Variants in SPHKAP observed in about 807,000 individuals in gnomAD.
SPHKAP encodes SPHK1 interactor, AKAP domain containing.
A neutral mutation model predicts 137.5 loss-of-function variants in SPHKAP; 67 were observed. That is an observed-to-expected ratio of 0.49 (90% CI 0.40 to 0.60). The LOEUF (loss-of-function observed/expected upper bound fraction) is 0.60, where lower values mean the gene tolerates loss of function less well. SPHKAP is among the 20% of genes least tolerant of loss of function. SPHKAP has a pLI of 0.00. For synonymous variants in SPHKAP, 813 were observed against 785.3 expected (o/e 1.04, Z -0.59); for missense variants, 2,097 against 2,069.3 (o/e 1.01, Z -0.26).
intron 1 of SPHKAP, among the ~76,000 whole-genome samples, chr2:228,178,278 A>G (rs1357148257): frequency 2.6e-5 from 4 of 152,216 alleles, no homozygotes; most frequent in Non-Finnish European, 5.9e-5. Flanking sequence ...ATGGATTTTT[A>G]AATACAATTA....
At chr2:228,031,469 G>A (rs1384411076) in intron 3 of SPHKAP, among the ~76,000 whole-genome samples, 2 of 152,198 alleles carry the variant, frequency 1.3e-5, no homozygotes, top group Non-Finnish European at 2.9e-5. Flanking sequence ...AAAGACAGCA[G>A]TAACCTCTGC....
At chr2:228,122,289 AT>A (rs911330175) in intron 2 of SPHKAP, among the ~76,000 whole-genome samples, 114 of 151,612 alleles carry the variant, frequency 7.5e-4, no homozygotes, top group African/African-American at 2.5e-3. Flanking sequence ...CCCCCTTTTG[AT>A]TTTTTTTTAA....
chr2:228,030,958 G>A (rs775329670), intron 3 of SPHKAP, among the ~76,000 whole-genome samples: 35 of 152,198 alleles, frequency 2.3e-4, no homozygotes, highest in Non-Finnish European at 4.3e-4. Context: ...TGTGAGCGAT[G>A]CAGAAGATGG....
intron 3 of SPHKAP, among the ~76,000 whole-genome samples, chr2:228,101,551 G>T (rs879788842): frequency 6.6e-6 from 1 of 152,172 alleles, no homozygotes; most frequent in Non-Finnish European, 1.5e-5. Context: ...ATACTTATCT[G>T]ATGCTCACTG....
intron 1 of SPHKAP, among the ~76,000 whole-genome samples, chr2:228,141,999 T>A (rs1370626698): frequency 2.0e-5 from 3 of 152,206 alleles, no homozygotes; most frequent in African/African-American, 7.2e-5. Context: ...TAGTTATGGT[T>A]CTGTGGAGGC....
chr2:228,027,046 G>GT (rs34079546), intron 4 of SPHKAP, among the ~76,000 whole-genome samples: 2 of 152,154 alleles, frequency 1.3e-5, no homozygotes, highest in Admixed American at 1.3e-4. Context: ...TTACATCAGG[G>GT]CCCTCACTGC....
intron 2 of SPHKAP, among the ~76,000 whole-genome samples, chr2:228,112,612 T>G (rs531847479): frequency 2.8e-4 from 42 of 152,178 alleles, no homozygotes; most frequent in African/African-American, 7.9e-4. Flanking sequence ...CCAAAAGTCA[T>G]CAGTCTGAAA....
chr2:228,016,435 G>C lies in SPHKAP; in HGVS notation c.4419C>G (p.Asp1473Glu), dbSNP rs763685147. 1.2e-6 allele frequency: 2 copies of C among 1,607,850 alleles called. No individual in the cohort carries two copies. The highest frequency in any genetic ancestry group is 1.7e-6 in the Non-Finnish European group (2 of 1,177,686). The change falls in exon 7 of 12, where the codon GAC becomes GAG. Residue 1473 changes from aspartate to glutamate, a missense_variant. Physicochemically the swap from Asp to Glu is conservative, Grantham distance 45. Coordinates refer to ENST00000392056, the MANE Select transcript of SPHKAP (RefSeq NM_001142644.2). ...GGATTTGACAAGCGCTCACGGCTGTGTCTCCACCTCTCACCACATCTGGGA... is the reference window on the plus strand; with the variant it reads ...GGATTTGACAAGCGCTCACGGCTGTCTCTCCACCTCTCACCACATCTGGGA... The part of the protein sequence containing the change: ...KNIPDVVRGG[D>E]TAVSACQIHS...
Position 228,181,407 on chromosome 2 carries a change from C to A in SPHKAP, c.32+160G>T, listed in dbSNP as rs976618191. ...TTGACAGGGTCCCCTGTAGCTCCAG[C>A]GAGGCTGGGCCGGACTTATTTACAA... On this transcript the variant is annotated intron_variant, in intron 1 of 11. Coordinates refer to ENST00000392056, the MANE Select transcript of SPHKAP (RefSeq NM_001142644.2). This position sits in a 1 kb window ranked among gnomAD's most constrained non-coding sequence, Gnocchi z 4.3. Among the ~76,000 whole-genome samples the A allele has an allele frequency of 3.4e-4, 52 of 152,166 alleles. No homozygotes were observed. The highest frequency in any genetic ancestry group is 5.4e-4 in the Non-Finnish European group (37 of 68,028).
Position 227,991,277 on chromosome 2 carries a change from C to T in SPHKAP, c.4771G>A (p.Glu1591Lys), listed in dbSNP as rs61752221. 0.012 allele frequency: 19,517 copies of T among 1,614,186 alleles called. 137 individuals are homozygous for T. Among genetic ancestry groups the T allele is most frequent in the Middle Eastern group, 0.017 (105 of 6,060 alleles). Residue 1591 changes from glutamate (E) to lysine (K), a missense_variant, in exon 10 of 12, where the codon GAG (glutamate) becomes AAG (lysine). Coordinates refer to ENST00000392056, the MANE Select transcript of SPHKAP (RefSeq NM_001142644.2). ...KILKGQSESTEAPASGPPTGT... is the reference protein window; with the variant it reads ...KILKGQSESTKAPASGPPTGT... ...AAAGTATGGGAAGGTGGCTTACCCT[C>T]TGTGCTTTCTGACTGTCCTTTAAGA... is the stretch of plus-strand genomic sequence containing the variant.
chr2:228,058,509 C>T (rs1392835253), intron 3 of SPHKAP, among the ~76,000 whole-genome samples: 1 of 152,064 alleles, frequency 6.6e-6, no homozygotes, highest in African/African-American at 2.4e-5. Flanking sequence ...CTGAACACGC[C>T]CAGGGTTTTC....
chr2:228,112,939 T>C (rs1193684645), intron 2 of SPHKAP, among the ~76,000 whole-genome samples: 1 of 152,180 alleles, frequency 6.6e-6, no homozygotes, highest in Non-Finnish European at 1.5e-5. Context: ...GACTCTTCCA[T>C]TTCCCTGGGA....
intron 5 of SPHKAP, 69 bp from the exon 6 acceptor site, chr2:228,022,035 C>A: frequency 6.8e-7 from 1 of 1,475,438 alleles, no homozygotes; most frequent in South Asian, 1.5e-5. Context: ...TCTGAGCTTT[C>A]CTTTTCCACC....
intron 1 of SPHKAP, among the ~76,000 whole-genome samples, chr2:228,134,289 G>T (rs577236462): frequency 6.6e-6 from 1 of 151,840 alleles, no homozygotes; most frequent in African/African-American, 2.4e-5. Flanking sequence ...AAGAAACAGA[G>T]GAAGAAAGCA....
chr2:228,032,544 C>T (rs1235416085), intron 3 of SPHKAP, among the ~76,000 whole-genome samples: 2 of 152,108 alleles, frequency 1.3e-5, no homozygotes, highest in African/African-American at 4.8e-5. Flanking sequence ...CACAAAGATA[C>T]TCCTCGAGAA....
intron 3 of SPHKAP, among the ~76,000 whole-genome samples, chr2:228,056,746 A>G (rs1298399788): frequency 1.3e-5 from 2 of 152,184 alleles, no homozygotes; most frequent in Non-Finnish European, 2.9e-5. Context: ...AGACAACTTT[A>G]AAGTATGGAT....
chr2:227,989,093 A>T (rs1273867565), intron 11 of SPHKAP, among the ~76,000 whole-genome samples: 1 of 152,206 alleles, frequency 6.6e-6, no homozygotes, highest in Non-Finnish European at 1.5e-5. Flanking sequence ...TGTTCTAACT[A>T]CTGTAAGCAG....
chr2:228,084,480 G>A (rs932538910), intron 3 of SPHKAP, among the ~76,000 whole-genome samples: 26 of 152,136 alleles, frequency 1.7e-4, no homozygotes, highest in Non-Finnish European at 3.4e-4. Flanking sequence ...TATAAATATT[G>A]TTTATTATAA....
Position 228,137,713 on chromosome 2 carries a change from A to G in SPHKAP, c.33-5628T>C, listed in dbSNP as rs147879808. 3.4e-3 allele frequency among the ~76,000 whole-genome samples: 520 copies of G among 152,330 alleles called. 4 individuals are homozygous for G. Among genetic ancestry groups the G allele is most frequent in the African/African-American group, 0.012 (506 of 41,578 alleles). On this transcript the variant is annotated intron_variant, in intron 1 of 11. Coordinates refer to ENST00000392056, the MANE Select transcript of SPHKAP (RefSeq NM_001142644.2). ...AATTAAAACTCAGAGCTACCAGAAGAGATCTTGAGCAAGGAATTGAGATGT... is the reference window on the plus strand; with the variant it reads ...AATTAAAACTCAGAGCTACCAGAAGGGATCTTGAGCAAGGAATTGAGATGT...
Sources: allele counts gnomAD v4.1 joint callset (sites outside exome capture counted in the v4.1 genomes callset), GRCh38; gene constraint gnomAD v4.1.1; non-coding constraint Gnocchi (gnomAD v3.1); transcripts MANE v1.5; gene names NCBI Gene and HGNC (gene_info 2026-07-23, HGNC 2026-07-21).